The following HYCC2 variants were observed in gnomAD, a reference collection of about 807,000 sequenced individuals.
HYCC2 encodes hyccin 2.
chr2:200,993,123 T>C, the HYCC2 span: 3 of 664,842 alleles, frequency 4.5e-6, no homozygotes, highest in South Asian at 1.9e-5. Flanking sequence ...GTGCCTGTTA[T>C]ATACCAGTCA....
chr2:201,016,592 A>G, the HYCC2 span, among the ~76,000 whole-genome samples: 5,697 of 150,848 alleles, frequency 0.038, 143 homozygotes, highest in Middle Eastern at 0.089. Context: ...CAATTTATTT[A>G]TTATTTTTAA....
chr2:201,049,818 A>G, the HYCC2 span, among the ~76,000 whole-genome samples: 1 of 152,068 alleles, frequency 6.6e-6, no homozygotes. Context: ...AAACCTAGAA[A>G]AACACCAACT....
At chr2:201,037,669 TG>T in the HYCC2 span, among the ~76,000 whole-genome samples, 1 of 152,190 alleles carries the variant, frequency 6.6e-6, no homozygotes, top group African/African-American at 2.4e-5. Flanking sequence ...TAAATGGTGC[TG>T]GGAAAACTGG....
chr2:201,038,143 T>C, the HYCC2 span, among the ~76,000 whole-genome samples: 1 of 152,064 alleles, frequency 6.6e-6, no homozygotes, highest in Admixed American at 6.6e-5. Flanking sequence ...CATGAAAAAA[T>C]GCTCATCATC....
the HYCC2 span, among the ~76,000 whole-genome samples, chr2:201,041,365 A>C: frequency 1.3e-5 from 2 of 152,176 alleles, no homozygotes; most frequent in African/African-American, 4.8e-5. Flanking sequence ...TACTCTCCCC[A>C]CAGCTTTCTA....
At chr2:201,062,386 C>T in the HYCC2 span, among the ~76,000 whole-genome samples, 1 of 151,958 alleles carries the variant, frequency 6.6e-6, no homozygotes, top group East Asian at 1.9e-4. Context: ...CGGTGGCTCA[C>T]ACCTGTAATC....
chr2:201,003,344 C>T, the HYCC2 span, among the ~76,000 whole-genome samples: 1 of 152,108 alleles, frequency 6.6e-6, no homozygotes, highest in Non-Finnish European at 1.5e-5. Flanking sequence ...CCAATGTGTC[C>T]AGCCCAAGAC....
chr2:201,012,959 AC>A, the HYCC2 span, among the ~76,000 whole-genome samples: 1 of 141,930 alleles, frequency 7.0e-6, no homozygotes, highest in Admixed American at 6.8e-5. Context: ...AAATACACAC[AC>A]ACACACACAC....
At chr2:200,988,549 G>A in the HYCC2 span, 1 of 590,464 alleles carries the variant, frequency 1.7e-6, no homozygotes. Context: ...ACATATCTTT[G>A]TTGTTCTGTA....
chr2:201,031,534 C>T, the HYCC2 span, among the ~76,000 whole-genome samples: 1 of 152,118 alleles, frequency 6.6e-6, no homozygotes, highest in African/African-American at 2.4e-5. Context: ...GCCTGTAATC[C>T]CAGCTACTCA....
the HYCC2 span, among the ~76,000 whole-genome samples, chr2:201,042,549 A>G: frequency 7.2e-6 from 1 of 139,166 alleles, no homozygotes; most frequent in South Asian, 2.4e-4. Context: ...CTGGGAGGTG[A>G]GGAGCGTCTC....
At chr2:201,069,263 G>T in the HYCC2 span, among the ~76,000 whole-genome samples, 15 of 152,250 alleles carry the variant, frequency 9.9e-5, no homozygotes, top group South Asian at 3.1e-3. Context: ...CACTTTCAAG[G>T]TCTATTTTAG....
At chr2:201,014,359 A>G in the HYCC2 span, among the ~76,000 whole-genome samples, 1 of 152,228 alleles carries the variant, frequency 6.6e-6, no homozygotes. Context: ...AAGAAAAAAC[A>G]ATCAGGCAAG....
chr2:201,005,745 C>G, the HYCC2 span, among the ~76,000 whole-genome samples: 1 of 152,214 alleles, frequency 6.6e-6, no homozygotes, highest in Non-Finnish European at 1.5e-5. Flanking sequence ...AACCTAACCT[C>G]TCTCCAAGGT....
At chr2:201,040,994 T>C in the HYCC2 span, among the ~76,000 whole-genome samples, 3 of 152,228 alleles carry the variant, frequency 2.0e-5, no homozygotes, top group South Asian at 6.2e-4. Context: ...ACTAGCTATG[T>C]TTAAACCCTT....
the HYCC2 span, among the ~76,000 whole-genome samples, chr2:201,048,210 T>C: frequency 6.6e-6 from 1 of 152,070 alleles, no homozygotes; most frequent in Non-Finnish European, 1.5e-5. Context: ...AAGGAAGTTG[T>C]AATTTCTAGG....
chr2:200,994,011 GA>G, the HYCC2 span, among the ~76,000 whole-genome samples: 2 of 151,820 alleles, frequency 1.3e-5, no homozygotes, highest in Non-Finnish European at 2.9e-5. Flanking sequence ...ATTATATTAA[GA>G]TAAAACCATG....
chr2:201,033,196 T>TGTGTGAGAGA, the HYCC2 span, among the ~76,000 whole-genome samples: 4 of 106,210 alleles, frequency 3.8e-5, no homozygotes, highest in African/African-American at 1.5e-4. Flanking sequence ...TGTGTGTGTG[T>TGTGTGAGAGA]GAGAGAGAGA....
the HYCC2 span, chr2:200,988,360 T>A: frequency 5.6e-6 from 9 of 1,613,710 alleles, no homozygotes; most frequent in African/African-American, 1.3e-5. Context: ...AAGGACTTTC[T>A]GGCCTTCTTG....
Sources: gnomAD v4.1 joint callset for allele counts (sites outside exome capture counted in the v4.1 genomes callset) on GRCh38, gnomAD v4.1.1 for gene constraint, MANE v1.5 for transcripts, NCBI Gene and HGNC (gene_info 2026-07-23, HGNC 2026-07-21) for gene names.